Variants in KCTD8 observed in about 807,000 individuals in gnomAD.
The protein encoded by KCTD8 is BTB/POZ domain-containing protein KCTD8.
In KCTD8, 27 loss-of-function variants were observed where a neutral mutation model predicts 31.5. That is an observed-to-expected ratio of 0.86 (90% CI 0.63 to 1.18). The LOEUF (loss-of-function observed/expected upper bound fraction) is 1.18, where lower values mean the gene tolerates loss of function less well. KCTD8 is among the 50% of genes most tolerant of loss of function. The probability of loss-of-function intolerance (pLI) is 0.00; values close to 1 mark genes in which losing one functional copy is unlikely to be tolerated. For synonymous variants in KCTD8, 290 were observed against 280.0 expected, an observed-to-expected ratio of 1.04 and a Z score of -0.36; for missense variants, 658 against 647.7, an observed-to-expected ratio of 1.02 and a Z score of -0.17.
intron 1 of KCTD8, among the ~76,000 whole-genome samples, chr4:44,263,187 A>G (rs1716233916): frequency 6.6e-6 from 1 of 152,254 alleles, no homozygotes; most frequent in South Asian, 2.1e-4. Flanking sequence ...TTATAGGCAT[A>G]ACAGCAAGTT....
chr4:44,322,715 T>A (rs911293807), intron 1 of KCTD8, among the ~76,000 whole-genome samples: 1 of 152,088 alleles, frequency 6.6e-6, no homozygotes, highest in Admixed American at 6.5e-5. Context: ...ACTTTCACAG[T>A]TTCATGTGTT....
chr4:44,417,388 C>G (rs1721100805), intron 1 of KCTD8, among the ~76,000 whole-genome samples: 2 of 151,968 alleles, frequency 1.3e-5, no homozygotes, highest in Admixed American at 1.3e-4. Context: ...CTTCATCTAC[C>G]CATTGTATTT....
At chr4:44,443,688 T>C (rs1395537797) in intron 1 of KCTD8, among the ~76,000 whole-genome samples, 1 of 152,122 alleles carries the variant, frequency 6.6e-6, no homozygotes, top group East Asian at 1.9e-4. Context: ...TCAACCAAAA[T>C]ATGGAGTTCA....
intron 1 of KCTD8, among the ~76,000 whole-genome samples, chr4:44,274,005 A>G (rs1036755938): frequency 3.3e-5 from 5 of 152,064 alleles, no homozygotes; most frequent in Admixed American, 6.6e-5. Flanking sequence ...TAGCAGAAAA[A>G]AAGTCCTGTT....
At chr4:44,344,850 C>T (rs571822904) in intron 1 of KCTD8, among the ~76,000 whole-genome samples, 1 of 152,324 alleles carries the variant, frequency 6.6e-6, no homozygotes, top group African/African-American at 2.4e-5. Context: ...TTGAGAAACA[C>T]TGCTCTAAAC....
At chr4:44,447,108 C>A (rs1560457137) in intron 1 of KCTD8, among the ~76,000 whole-genome samples, 1 of 152,226 alleles carries the variant, frequency 6.6e-6, no homozygotes, top group Non-Finnish European at 1.5e-5. Flanking sequence ...CGAGGCGATG[C>A]CTTGTTATGG....
chr4:44,254,537 T>TCACA (rs1468851295), intron 1 of KCTD8, among the ~76,000 whole-genome samples: 1 of 132,918 alleles, frequency 7.5e-6, no homozygotes, highest in Non-Finnish European at 1.6e-5. Context: ...ACCCCCACCC[T>TCACA]CACAAAGATT....
chr4:44,315,067 G>A (rs1240886272), intron 1 of KCTD8, among the ~76,000 whole-genome samples: 8 of 151,698 alleles, frequency 5.3e-5, no homozygotes, highest in Admixed American at 5.3e-4. Context: ...AAAATTTAGG[G>A]ATTTTATGCA....
rs192685533 is a variant in KCTD8 at position 44,336,194 on chromosome 4, A to G, written c.961+111369T>C. 2.7e-5 allele frequency among the ~76,000 whole-genome samples: 4 copies of G among 150,356 alleles called. No individual in the cohort carries two copies. The East Asian group carries it at 5.8e-4, about 22-fold the overall frequency. On this transcript the variant is annotated intron_variant, in intron 1 of 1. Transcript: ENST00000360029. ...AAAAAAAAGAAAAAATATAAAATTT[A>G]AATTTCTGAATAAAATATTAGCAAA...
At chr4:44,202,420 A>G (rs1018100742) in intron 1 of KCTD8, among the ~76,000 whole-genome samples, 2 of 152,236 alleles carry the variant, frequency 1.3e-5, no homozygotes, top group African/African-American at 4.8e-5. Flanking sequence ...TAAGTAGTAC[A>G]TATACACCAT....
intron 1 of KCTD8, among the ~76,000 whole-genome samples, chr4:44,423,023 T>C (rs1296653639): frequency 6.6e-6 from 1 of 151,996 alleles, no homozygotes; most frequent in Non-Finnish European, 1.5e-5. Context: ...TCAACATTTA[T>C]TTAGGTCAGC....
At chr4:44,242,724 T>C (rs540712437) in intron 1 of KCTD8, among the ~76,000 whole-genome samples, 2 of 152,242 alleles carry the variant, frequency 1.3e-5, no homozygotes, top group South Asian at 4.1e-4. Context: ...TGGGGGTAGA[T>C]TTCTCATGAA....
intron 1 of KCTD8, among the ~76,000 whole-genome samples, chr4:44,373,490 C>A (rs1473406091): frequency 6.6e-6 from 1 of 152,136 alleles, no homozygotes; most frequent in African/African-American, 2.4e-5. Flanking sequence ...TCCCACATTT[C>A]CTCTTTGTAA....
intron 1 of KCTD8, among the ~76,000 whole-genome samples, chr4:44,398,050 A>C (rs1048700823): frequency 2.0e-5 from 3 of 152,188 alleles, no homozygotes; most frequent in African/African-American, 7.2e-5. Context: ...TTGATAGAGA[A>C]TTGAAATACA....
chr4:44,415,101 A>G (rs1175427008), intron 1 of KCTD8, among the ~76,000 whole-genome samples: 1 of 152,192 alleles, frequency 6.6e-6, no homozygotes, highest in Non-Finnish European at 1.5e-5. Flanking sequence ...AAGGTCATCC[A>G]TGTTATGCCC....
chr4:44,266,127 T>A (rs1390707079), intron 1 of KCTD8, among the ~76,000 whole-genome samples: 1 of 151,976 alleles, frequency 6.6e-6, no homozygotes, highest in Non-Finnish European at 1.5e-5. Flanking sequence ...GAAAAAATGT[T>A]AAGAGCAGCC....
At chr4:44,250,741 A>G (rs1429745588) in intron 1 of KCTD8, among the ~76,000 whole-genome samples, 1 of 151,662 alleles carries the variant, frequency 6.6e-6, no homozygotes, top group Admixed American at 6.6e-5. Context: ...TCATTGTCCC[A>G]TTGTTATTTA....
At chr4:44,302,026 G>A (rs2109393039) in intron 1 of KCTD8, among the ~76,000 whole-genome samples, 1 of 152,182 alleles carries the variant, frequency 6.6e-6, no homozygotes, top group South Asian at 2.1e-4. Flanking sequence ...TCAGATAGTT[G>A]TAGATATGTG....
At chr4:44,396,215 A>G (rs2109453342) in intron 1 of KCTD8, among the ~76,000 whole-genome samples, 1 of 152,168 alleles carries the variant, frequency 6.6e-6, no homozygotes. Flanking sequence ...TGAGACTCTA[A>G]TGCAGCCACT....
Sources: allele counts gnomAD v4.1 joint callset (sites outside exome capture counted in the v4.1 genomes callset), GRCh38; gene constraint gnomAD v4.1.1; transcripts MANE v1.5; gene names NCBI Gene and HGNC (gene_info 2026-07-23, HGNC 2026-07-21).